Variants in SPIRE1 observed in about 807,000 individuals in gnomAD.
SPIRE1 encodes the protein protein spire homolog 1.
SPIRE1 carries 40 observed loss-of-function variants against 94.1 expected under a neutral mutation model. The ratio of observed to expected loss-of-function variants is 0.43; its 90% CI spans 0.33 to 0.55. The LOEUF (loss-of-function observed/expected upper bound fraction) is 0.55, where lower values mean the gene tolerates loss of function less well. Among genes scored for constraint, SPIRE1 ranks in the 20% least tolerant of loss-of-function variants. SPIRE1 has a pLI of 0.06. For missense variants in SPIRE1, 838 were observed against 975.2 expected (o/e 0.86, Z 1.87); for synonymous variants, 376 against 371.7 (o/e 1.01, Z -0.13).
chr18:12,652,573 G>A lies in SPIRE1; in HGVS notation c.337+4957C>T, dbSNP rs2038409692. On this transcript the variant is annotated intron_variant, in intron 1 of 16. Transcript: ENST00000409402. ...TTTCAAGAGATCCTCTAAAGAGCTAGTCTTTCCTTTTTCTTGAATTTATCT... is the reference window on the plus strand; with the variant it reads ...TTTCAAGAGATCCTCTAAAGAGCTAATCTTTCCTTTTTCTTGAATTTATCT... 2.0e-5 allele frequency among the ~76,000 whole-genome samples: 3 copies of A among 152,148 alleles called. No individual in the cohort carries two copies. The South Asian group carries it at 6.2e-4, about 32-fold the overall frequency.
chr18:12,618,645 T>C (rs1283897720), intron 2 of SPIRE1, among the ~76,000 whole-genome samples: 2 of 152,014 alleles, frequency 1.3e-5, no homozygotes, highest in Non-Finnish European at 1.5e-5. Flanking sequence ...CAAAAACCGC[T>C]CCAAATTCAG....
chr18:12,650,196 G>A (rs2037194235), intron 1 of SPIRE1, among the ~76,000 whole-genome samples: 1 of 151,860 alleles, frequency 6.6e-6, no homozygotes, highest in South Asian at 2.1e-4. Flanking sequence ...CCGAGCTCGT[G>A]CCACTGCACT....
At chr18:12,569,857 C>G (rs553340439) in intron 2 of SPIRE1, among the ~76,000 whole-genome samples, 3 of 152,098 alleles carry the variant, frequency 2.0e-5, no homozygotes, top group Non-Finnish European at 4.4e-5. Context: ...TAAAGCCCAA[C>G]CAATTGAAAT....
rs774717647 is a variant in SPIRE1, at chr18:12,479,882, A to C, written c.1232-11T>G. The C allele has an allele frequency of 6.2e-7, 1 of 1,609,812 alleles. No individual in the cohort carries two copies. The highest frequency in any genetic ancestry group is 1.1e-5 in the South Asian group (1 of 90,196). ...CAGGGGTAGTCACATCTGGTAAAAA[A>C]GCAAAAGCTTACCTTTTCTTGAGCC... On this transcript the variant is annotated splice_polypyrimidine_tract_variant and intron_variant, in intron 9 of 16. Transcript: ENST00000409402.
rs997443876 is a variant in SPIRE1, at chr18:12,459,928, C to A, written c.1638+3423G>T. On this transcript the variant is annotated intron_variant, in intron 12 of 16. Transcript: ENST00000409402. Reference sequence around the variant, plus strand: ...GGCCATACACTGGTTATCCTAGGAACCTGAACAACAGATAAGGGAAAAAGA... The same window carrying A: ...GGCCATACACTGGTTATCCTAGGAAACTGAACAACAGATAAGGGAAAAAGA... The A allele has an allele frequency of 8.1e-6, 8 of 985,404 alleles. No homozygotes were observed. The African/African-American group carries it at 1.4e-4, about 17-fold the overall frequency. 61.0% of individuals were successfully genotyped at this position (985,404 alleles called of 1,614,324 possible). A position where few individuals can be genotyped will look rare whatever the true frequency, so the allele number is the denominator to read the frequency against.
chr18:12,542,455 A>G (rs1444660177), intron 3 of SPIRE1, among the ~76,000 whole-genome samples: 1 of 152,144 alleles, frequency 6.6e-6, no homozygotes, highest in African/African-American at 2.4e-5. Flanking sequence ...TGTAATTACC[A>G]ATATATTTCA....
chr18:12,634,258 TAAAAAAAAA>T (rs71174115), intron 2 of SPIRE1, among the ~76,000 whole-genome samples: 1 of 141,002 alleles, frequency 7.1e-6, no homozygotes, highest in African/African-American at 2.6e-5. Context: ...AAAATAAAAA[TAAAAAAAAA>T]AAAAAATAAT....
At chr18:12,507,925 C>A (rs909815593) in intron 5 of SPIRE1, among the ~76,000 whole-genome samples, 2 of 151,622 alleles carry the variant, frequency 1.3e-5, no homozygotes, top group Admixed American at 6.6e-5. Context: ...TGTGGACAGA[C>A]CATGAGGTCA....
intron 2 of SPIRE1, among the ~76,000 whole-genome samples, chr18:12,570,654 T>C (rs2035938965): frequency 6.6e-6 from 1 of 152,166 alleles, no homozygotes; most frequent in Admixed American, 6.5e-5. Context: ...GCAGTTAATA[T>C]ATAACAAAGC....
intron 4 of SPIRE1, among the ~76,000 whole-genome samples, chr18:12,526,299 G>C (rs1328278677): frequency 6.6e-6 from 1 of 152,074 alleles, no homozygotes; most frequent in African/African-American, 2.4e-5. Context: ...CATGTGTGCT[G>C]TTTACTATGC....
intron 5 of SPIRE1, 52 bp downstream of exon 5, chr18:12,512,401 AT>A: frequency 4.0e-6 from 5 of 1,252,110 alleles, no homozygotes; most frequent in East Asian, 2.4e-5. Context: ...AAAAAAAAAA[AT>A]TATACTATTT....
chr18:12,659,476 G>C (rs543170938), upstream of SPIRE1, among the ~76,000 whole-genome samples: 2 of 152,218 alleles, frequency 1.3e-5, no homozygotes, highest in South Asian at 4.2e-4. Context: ...AGACCAGCCT[G>C]GCCAACATGG....
chr18:12,525,132 C>A (rs1358724415), intron 4 of SPIRE1, among the ~76,000 whole-genome samples: 6 of 151,386 alleles, frequency 4.0e-5, no homozygotes, highest in African/African-American at 1.5e-4. Flanking sequence ...AAAAAATTAG[C>A]CGGGCGTGGT....
intron 8 of SPIRE1, among the ~76,000 whole-genome samples, chr18:12,488,940 C>T (rs1219620813): frequency 6.6e-6 from 1 of 152,142 alleles, no homozygotes; most frequent in Admixed American, 6.5e-5. Context: ...AATCCCAGCA[C>T]TTTCGGAGGC....
intron 3 of SPIRE1, among the ~76,000 whole-genome samples, chr18:12,541,205 T>C (rs1419988931): frequency 6.6e-6 from 1 of 152,226 alleles, no homozygotes; most frequent in African/African-American, 2.4e-5. Flanking sequence ...TAACAGAACA[T>C]TTCCTATGTA....
At chr18:12,493,558 C>T (rs1314494651) in intron 7 of SPIRE1, among the ~76,000 whole-genome samples, 2 of 152,086 alleles carry the variant, frequency 1.3e-5, no homozygotes, top group African/African-American at 4.8e-5. Flanking sequence ...AGGCGTGTGC[C>T]AACATGCCTG....
chr18:12,525,012 C>T (rs1378736430), intron 4 of SPIRE1, among the ~76,000 whole-genome samples: 1 of 150,896 alleles, frequency 6.6e-6, no homozygotes, highest in Non-Finnish European at 1.5e-5. Flanking sequence ...CACGGTGGCT[C>T]ACGCCTGTAA....
intron 2 of SPIRE1, among the ~76,000 whole-genome samples, chr18:12,598,994 T>C (rs1567958702): frequency 6.6e-6 from 1 of 152,224 alleles, no homozygotes; most frequent in Non-Finnish European, 1.5e-5. Flanking sequence ...GATTTATCAA[T>C]ACCAATGTTT....
intron 11 of SPIRE1, among the ~76,000 whole-genome samples, chr18:12,464,253 A>T: frequency 2.3e-5 from 1 of 43,742 alleles, no homozygotes; most frequent in East Asian, 7.2e-4. Flanking sequence ...TCCCTATAAT[A>T]TCCAATTGTG....
Sources: allele counts gnomAD v4.1 joint callset (sites outside exome capture counted in the v4.1 genomes callset), GRCh38; gene constraint gnomAD v4.1.1; transcripts MANE v1.5; gene names NCBI Gene and HGNC (gene_info 2026-07-23, HGNC 2026-07-21).